Variants in TAF3 observed in about 807,000 individuals in gnomAD.
TAF3 encodes the protein transcription initiation factor TFIID subunit 3.
In TAF3, 7 loss-of-function variants were observed where a neutral mutation model predicts 80.6. The ratio of observed to expected loss-of-function variants is 0.09; its 90% confidence interval spans 0.05 to 0.16. The LOEUF (loss-of-function observed/expected upper bound fraction) is 0.16, where lower values mean the gene tolerates loss of function less well. TAF3 is among the 10% of genes least tolerant of loss of function. The pLI, the probability that TAF3 is intolerant of heterozygous loss-of-function variation, is 1.00. For missense variants in TAF3, 921 were observed against 1,140.2 expected (o/e 0.81, Z 2.77); for synonymous variants, 444 against 446.1 (o/e 1.00, Z 0.06).
intron 1 of TAF3, among the ~76,000 whole-genome samples, chr10:7,820,881 C>G (rs1229381799): frequency 6.6e-6 from 1 of 152,180 alleles, no homozygotes; most frequent in Non-Finnish European, 1.5e-5. Context: ...ACTCTTCTGG[C>G]TTTTGTTTCT....
chr10:7,860,182 G>A (rs1030581272), intron 2 of TAF3, among the ~76,000 whole-genome samples: 6 of 151,744 alleles, frequency 4.0e-5, no homozygotes, highest in African/African-American at 1.5e-4. Flanking sequence ...TGAAGTGGGA[G>A]GATTGCTGAA....
chr10:7,869,520 C>T (rs1322147473), intron 2 of TAF3, among the ~76,000 whole-genome samples: 2 of 151,178 alleles, frequency 1.3e-5, no homozygotes, highest in African/African-American at 4.8e-5. Context: ...TTACATAGTT[C>T]CCTGTTGTGA....
At chr10:7,871,738 CA>C (rs1160349029) in intron 2 of TAF3, among the ~76,000 whole-genome samples, 2 of 152,120 alleles carry the variant, frequency 1.3e-5, no homozygotes, top group African/African-American at 4.8e-5. Context: ...GCCACCGCGC[CA>C]GGCCAACGAT....
intron 2 of TAF3, among the ~76,000 whole-genome samples, chr10:7,891,489 G>A (rs188709926): frequency 6.6e-6 from 1 of 152,268 alleles, no homozygotes; most frequent in Non-Finnish European, 1.5e-5. Flanking sequence ...TAAATGTATT[G>A]AAAGGCATGG....
intron 2 of TAF3, among the ~76,000 whole-genome samples, chr10:7,938,474 AG>A (rs1837945741): frequency 1.3e-5 from 2 of 152,202 alleles, no homozygotes; most frequent in Admixed American, 1.3e-4. Flanking sequence ...ATACTTGTTT[AG>A]TGACTAGATA....
At chr10:7,873,624 C>CCCG (rs1554779081) in intron 2 of TAF3, among the ~76,000 whole-genome samples, 2 of 143,536 alleles carry the variant, frequency 1.4e-5, no homozygotes, top group Non-Finnish European at 3.1e-5. Context: ...TTCTCCCCCC[C>CCCG]CCCCCGTCAA....
chr10:7,866,185 T>C (rs1837213075), intron 2 of TAF3, among the ~76,000 whole-genome samples: 2 of 152,246 alleles, frequency 1.3e-5, no homozygotes, highest in African/African-American at 4.8e-5. Context: ...GCAAATGGAA[T>C]GAAATTCCCT....
rs1465375612 is a variant in TAF3 at position 8,014,746 on chromosome 10, C to T, written c.2785C>T (p.His929Tyr). The T allele has an allele frequency of 6.3e-7, 1 of 1,591,056 alleles. No homozygotes were observed. Among genetic ancestry groups the T allele is most frequent in the Admixed American group, 1.8e-5 (1 of 56,554 alleles). Residue 929 changes from histidine to tyrosine, a missense_variant, in exon 7 of 7, where the codon CAC becomes TAC. By Grantham distance (83) the His-to-Tyr change is moderately conservative (BLOSUM62 2). This residue lies in a region of TAF3 where 29 missense variants were observed against 20.3 expected (regional missense o/e 1.43). Transcript: ENST00000344293. ...KKHKKRKHRA[H>Y] ...GCACAAGAAGAGGAAGCATCGAGCC[C>T]ACTGACGACTCCCGAGGGGCTGGAC...
In TAF3 at chr10:7,865,237, G is replaced by A. The variant is rs1231756337; in HGVS notation, c.409+40677G>A. 3.9e-5 allele frequency among the ~76,000 whole-genome samples: 6 copies of A among 152,246 alleles called. No homozygotes were observed. In the East Asian group the frequency reaches 1.2e-3, roughly 29 times the overall value. On this transcript the variant is annotated intron_variant, in intron 2 of 6. Coordinates refer to ENST00000344293, the MANE Select transcript of TAF3 (RefSeq NM_031923.4). ...AATCCCAGCACTCTGGGAGGCCGAG[G>A]CGGGCGGATCATGAGGTCAGGAGAT... is the stretch of plus-strand genomic sequence containing the variant.
intron 2 of TAF3, among the ~76,000 whole-genome samples, chr10:7,825,586 A>C (rs1448729912): frequency 6.9e-6 from 1 of 145,044 alleles, no homozygotes; most frequent in East Asian, 2.7e-4. Context: ...GGACTTGGAC[A>C]TTATTTGTCT....
At chr10:7,855,429 T>G (rs1217399624) in intron 2 of TAF3, among the ~76,000 whole-genome samples, 2 of 152,198 alleles carry the variant, frequency 1.3e-5, no homozygotes, top group African/African-American at 4.8e-5. Flanking sequence ...GGAATGTGAA[T>G]ACACCGGATG....
intron 4 of TAF3, among the ~76,000 whole-genome samples, chr10:8,001,837 G>A (rs532337797): frequency 5.9e-5 from 9 of 152,106 alleles, no homozygotes; most frequent in East Asian, 3.9e-4. Context: ...TTGCACATGC[G>A]TAATTATTGC....
At chr10:7,896,469 C>T (rs1216861443) in intron 2 of TAF3, among the ~76,000 whole-genome samples, 1 of 152,150 alleles carries the variant, frequency 6.6e-6, no homozygotes, top group Non-Finnish European at 1.5e-5. Context: ...CCACTTCCTG[C>T]CACCCACTCA....
rs183068050 is a variant in TAF3, at chr10:8,003,214, C to G, written c.2316-5864C>G. Among the ~76,000 whole-genome samples the G allele has an allele frequency of 1.2e-4, 18 of 151,928 alleles. No homozygotes were observed. In the East Asian group the frequency reaches 3.3e-3, roughly 28 times the overall value. ...GTGTTCAGTGGTTTTTTTTCTCTCTCTCTCTTTTCTTTTATCAGACCAAGG... is the reference window on the plus strand; with the variant it reads ...GTGTTCAGTGGTTTTTTTTCTCTCTGTCTCTTTTCTTTTATCAGACCAAGG... On this transcript the variant is annotated intron_variant, in intron 4 of 6. Transcript: ENST00000344293.
intron 4 of TAF3, among the ~76,000 whole-genome samples, chr10:7,992,757 TC>T (rs1260973261): frequency 5.3e-5 from 8 of 152,212 alleles, no homozygotes. Context: ...ATTACCAACT[TC>T]TAAAAAAGTT....
At chr10:7,857,799 G>C (rs1270625090) in intron 2 of TAF3, among the ~76,000 whole-genome samples, 1 of 151,860 alleles carries the variant, frequency 6.6e-6, no homozygotes, top group Non-Finnish European at 1.5e-5. Context: ...GAAAAAGGCA[G>C]GGGAAAATTA....
intron 6 of TAF3, among the ~76,000 whole-genome samples, chr10:8,014,171 C>T (rs911142907): frequency 6.6e-6 from 1 of 152,156 alleles, no homozygotes; most frequent in African/African-American, 2.4e-5. Context: ...GCCAGGACCA[C>T]GAAGAGGCAG....
At chr10:7,983,800 C>T (rs1187057658) in intron 4 of TAF3, among the ~76,000 whole-genome samples, 3 of 152,014 alleles carry the variant, frequency 2.0e-5, no homozygotes, top group African/African-American at 7.3e-5. Context: ...CATTGCACTG[C>T]TGCACTCCAG....
intron 2 of TAF3, among the ~76,000 whole-genome samples, chr10:7,891,222 A>T (rs1271556605): frequency 6.6e-6 from 1 of 152,152 alleles, no homozygotes; most frequent in Non-Finnish European, 1.5e-5. Context: ...ACCCATTTTG[A>T]TATAAAGGAG....
Sources: allele counts gnomAD v4.1 joint callset (sites outside exome capture counted in the v4.1 genomes callset), GRCh38; gene constraint gnomAD v4.1.1; regional missense constraint gnomAD v4.1.1; transcripts MANE v1.5; gene names NCBI Gene and HGNC (gene_info 2026-07-23, HGNC 2026-07-21).